ACAD10: variants seen among roughly 807,000 people sequenced by gnomAD.
ACAD10 encodes the protein ACAD-10.
ACAD10 carries 112 observed loss-of-function variants against 116.8 expected under a neutral mutation model. The ratio of observed to expected loss-of-function variants is 0.96; its 90% CI spans 0.82 to 1.12. The LOEUF (loss-of-function observed/expected upper bound fraction) is 1.12. Ranked by LOEUF, ACAD10 falls within the 50% of genes most tolerant of loss-of-function variation. The pLI is 0.00. For missense variants in ACAD10, 1,259 were observed against 1,350.2 expected, an observed-to-expected ratio of 0.93 and a Z score of 1.06; for synonymous variants, 486 against 510.6, an observed-to-expected ratio of 0.95 and a Z score of 0.65.
intron 8 of ACAD10, among the ~76,000 whole-genome samples, chr12:111,726,725 G>A (rs1221028456): frequency 6.6e-6 from 1 of 152,110 alleles, no homozygotes; most frequent in Non-Finnish European, 1.5e-5. Flanking sequence ...GCTGGTTGTG[G>A]TGGCACATAC....
chr12:111,688,885 G>A (rs1887959216), intron 1 of ACAD10, among the ~76,000 whole-genome samples: 1 of 151,544 alleles, frequency 6.6e-6, no homozygotes, highest in Non-Finnish European at 1.5e-5. Flanking sequence ...TATGAGTTAA[G>A]TAATCCCTAG....
In ACAD10 at chr12:111,706,778, A is replaced by ATTT. The variant is rs1189030640; in HGVS notation, c.531+847_531+848insTTT. On this transcript the variant is annotated intron_variant, in intron 4 of 20. Coordinates refer to ENST00000313698, the MANE Select transcript of ACAD10 (RefSeq NM_025247.6). ...TTTATTTTTTTATATATATATATAT[A>ATTT]TATATTTTTTTTTTTGAGACCATCT... 1.1e-4 allele frequency among the ~76,000 whole-genome samples: 13 copies of ATTT among 113,474 alleles called. No individual in the cohort carries two copies. The East Asian group carries it at 2.8e-3, about 24-fold the overall frequency. 74.4% of individuals were successfully genotyped at this position (113,474 alleles called of 152,430 possible).
intron 8 of ACAD10, among the ~76,000 whole-genome samples, chr12:111,723,533 T>G (rs1254260658): frequency 8.5e-6 from 1 of 117,112 alleles, no homozygotes; most frequent in South Asian, 3.2e-4. Flanking sequence ...CACTTCCCAG[T>G]AGGGGCGGCC....
chr12:111,724,494 C>T (rs1312891816), intron 8 of ACAD10, among the ~76,000 whole-genome samples: 1 of 152,216 alleles, frequency 6.6e-6, no homozygotes, highest in Non-Finnish European at 1.5e-5. Context: ...GATCACGCCA[C>T]TGCACTCCAG....
chr12:111,705,979 C>T (rs772587550), intron 4 of ACAD10, 47 bp downstream of exon 4: 52 of 1,582,222 alleles, frequency 3.3e-5, no homozygotes, highest in South Asian at 5.7e-5. Flanking sequence ...TCTGTGCCCT[C>T]GCTTCAGGGT....
At chr12:111,717,116 A>G (rs1888867127) in intron 7 of ACAD10, among the ~76,000 whole-genome samples, 1 of 152,104 alleles carries the variant, frequency 6.6e-6, no homozygotes, top group South Asian at 2.1e-4. Context: ...AGCCTTAAAG[A>G]AACCAAGGCA....
intron 7 of ACAD10, among the ~76,000 whole-genome samples, chr12:111,717,844 C>G (rs1322951476): frequency 6.6e-6 from 1 of 152,014 alleles, no homozygotes; most frequent in African/African-American, 2.4e-5. Flanking sequence ...GCCAGCGTGC[C>G]TGGCCAAGGT....
intron 1 of ACAD10, chr12:111,690,911 T>C (rs569323104): frequency 6.6e-6 from 1 of 152,292 alleles, no homozygotes; most frequent in Non-Finnish European, 1.5e-5. Flanking sequence ...TAAACTCAGA[T>C]GCTGTCTTAC....
At chr12:111,714,812 T>C (rs1888794727) in intron 6 of ACAD10, among the ~76,000 whole-genome samples, 1 of 152,054 alleles carries the variant, frequency 6.6e-6, no homozygotes, top group African/African-American at 2.4e-5. Context: ...TCTTGGGTTC[T>C]AGTGATTCTC....
chr12:111,754,327 AT>A (rs1890149858), intron 19 of ACAD10, among the ~76,000 whole-genome samples: 2 of 152,258 alleles, frequency 1.3e-5, no homozygotes, highest in African/African-American at 4.8e-5. Flanking sequence ...CCTTTTATTT[AT>A]TTATTTTTTG....
At position 111,712,594 on chromosome 12, in the gene ACAD10, A is replaced by G. The variant is rs1253546375; in HGVS notation, c.787A>G (p.Met263Val). Residue 263 changes from methionine to valine, a missense_variant, in exon 6 of 21, where the codon ATG (methionine) becomes GTG (valine). Physicochemically the swap from Met to Val is conservative, Grantham distance 21 (BLOSUM62 1). Coordinates refer to ENST00000313698, the MANE Select transcript of ACAD10 (RefSeq NM_025247.6). ...AAACACTCGGCCTGTGAAAAAGACGATGGAAATTCCGAAAGATTCCTTGCA... is the reference window on the plus strand; with the variant it reads ...AAACACTCGGCCTGTGAAAAAGACGGTGGAAATTCCGAAAGATTCCTTGCA... ...VPNTRPVKKT[M>V]EIPKDSLQKY... 1 of 1,614,202 alleles carries G rather than the reference A, an allele frequency of 6.2e-7. No homozygotes were observed. Among genetic ancestry groups the G allele is most frequent in the Non-Finnish European group, 8.5e-7 (1 of 1,180,036 alleles).
intron 18 of ACAD10, 38 bp downstream of exon 18, chr12:111,749,383 C>T (rs1195752087): frequency 6.3e-7 from 1 of 1,581,952 alleles, no homozygotes; most frequent in Non-Finnish European, 8.6e-7. Context: ...TGACTCAGAA[C>T]CACCACCTTC....
chr12:111,728,243 C>A, intron 9 of ACAD10, 100 bp downstream of exon 9: 1 of 1,201,166 alleles, frequency 8.3e-7, no homozygotes, highest in Non-Finnish European at 1.1e-6. Flanking sequence ...ATTAGCACAC[C>A]AAGCGTAAGG....
chr12:111,720,831 CGG>C, intron 7 of ACAD10, among the ~76,000 whole-genome samples: 1 of 151,604 alleles, frequency 6.6e-6, no homozygotes, highest in African/African-American at 2.4e-5. Flanking sequence ...TCACCCAGGC[CGG>C]AGCACAGTGG....
chr12:111,738,031 GTT>G (rs1209728097), intron 12 of ACAD10, among the ~76,000 whole-genome samples: 2 of 151,754 alleles, frequency 1.3e-5, no homozygotes, highest in African/African-American at 4.8e-5. Context: ...TTTTTTGTTT[GTT>G]TTTAGTAGAG....
Position 111,749,197 on chromosome 12 carries a change from A to G in ACAD10, c.2669A>G (p.Glu890Gly), listed in dbSNP as rs781157656. ...GGTGGCCATGGTGAAGTCCGATTTG[A>G]GCACGTGCGTGTGCCCAAAGAGAAC... ...APGGHGEVRF[E>G]HVRVPKENMV... is the part of the protein sequence containing the mutation. The change falls in exon 18 of 21, where the codon GAG becomes GGG. Residue 890 changes from glutamate to glycine, a missense_variant. Glu to Gly is a moderately conservative substitution (Grantham distance 98, BLOSUM62 -2). Coordinates refer to ENST00000313698, the MANE Select transcript of ACAD10 (RefSeq NM_025247.6). The G allele has an allele frequency of 1.2e-6, 2 of 1,613,484 alleles. No homozygotes were observed. The highest frequency in any genetic ancestry group is 2.2e-5 in the South Asian group (2 of 91,076).
At chr12:111,721,591 C>CA (rs1889015035) in intron 7 of ACAD10, 80 bp from the exon 8 acceptor site, 1 of 1,357,592 alleles carries the variant, frequency 7.4e-7, no homozygotes, top group Non-Finnish European at 1.0e-6. Flanking sequence ...AACAAACAAA[C>CA]AAAAAACAAA....
intron 8 of ACAD10, among the ~76,000 whole-genome samples, chr12:111,726,754 G>A (rs536670553): frequency 1.8e-4 from 27 of 152,198 alleles, no homozygotes; most frequent in Middle Eastern, 3.4e-3. Context: ...TCAGCTATTC[G>A]GGATGCTGAG....
intron 3 of ACAD10, among the ~76,000 whole-genome samples, chr12:111,703,022 T>C (rs1888394129): frequency 6.6e-6 from 1 of 151,330 alleles, no homozygotes; most frequent in Middle Eastern, 3.2e-3. Flanking sequence ...GGATTGAAAC[T>C]TCAGTGAACC....
Sources: allele counts gnomAD v4.1 joint callset (sites outside exome capture counted in the v4.1 genomes callset), GRCh38; gene constraint gnomAD v4.1.1; transcripts MANE v1.5; gene names NCBI Gene and HGNC (gene_info 2026-07-23, HGNC 2026-07-21).